Variants in DCC observed in about 807,000 individuals in gnomAD.
The protein encoded by DCC is netrin receptor DCC.
Under a neutral mutation model 172.5 loss-of-function variants are expected in DCC, and 58 were observed. The observed-to-expected ratio is 0.34, with a 90% CI of 0.27 to 0.42. The LOEUF (loss-of-function observed/expected upper bound fraction) is 0.42, where lower values mean the gene tolerates loss of function less well. Ranked by LOEUF, DCC falls within the 10% of genes least tolerant of loss-of-function variation. The pLI is 1.00. For missense variants in DCC, 1,740 were observed against 1,791.0 expected (o/e 0.97, Z 0.51); for synonymous variants, 709 against 644.5 (o/e 1.10, Z -1.52).
intron 27 of DCC, among the ~76,000 whole-genome samples, chr18:53,499,834 G>T (rs1386111544): frequency 6.6e-6 from 1 of 152,070 alleles, no homozygotes; most frequent in African/African-American, 2.4e-5. Context: ...ACTTCATTCT[G>T]CCACATGAGT....
At chr18:53,062,616 A>G (rs944844306) in intron 5 of DCC, among the ~76,000 whole-genome samples, 6 of 152,184 alleles carry the variant, frequency 3.9e-5, no homozygotes, top group African/African-American at 1.4e-4. Flanking sequence ...GATGTGTTAT[A>G]TTTATAATTT....
intron 2 of DCC, among the ~76,000 whole-genome samples, chr18:52,883,348 TTATGTGTGTGTGTGTGTG>T (rs761009837): frequency 2.8e-5 from 3 of 106,302 alleles, no homozygotes; most frequent in East Asian, 2.8e-4. Flanking sequence ...ATTTATTTAT[TTATGTGTGTGTGTGTGTG>T]TGTGTGTGTG....
At chr18:53,137,770 A>C (rs1396315156) in intron 7 of DCC, among the ~76,000 whole-genome samples, 1 of 152,112 alleles carries the variant, frequency 6.6e-6, no homozygotes, top group Admixed American at 6.5e-5. Context: ...ACATATACTT[A>C]ATAATTTTAG....
intron 1 of DCC, among the ~76,000 whole-genome samples, chr18:52,551,612 C>T (rs1277594327): frequency 2.0e-5 from 3 of 151,846 alleles, no homozygotes; most frequent in Non-Finnish European, 4.4e-5. Flanking sequence ...TAACACTGCT[C>T]ATTTTTACAA....
intron 7 of DCC, among the ~76,000 whole-genome samples, chr18:53,083,482 T>C (rs1465668397): frequency 6.6e-6 from 1 of 152,194 alleles, no homozygotes; most frequent in African/African-American, 2.4e-5. Context: ...GAGACCCCTT[T>C]TTGTTGACTA....
chr18:52,886,253 C>G (rs563419935), intron 2 of DCC, among the ~76,000 whole-genome samples: 7 of 152,174 alleles, frequency 4.6e-5, no homozygotes, highest in African/African-American at 1.7e-4. Context: ...TCTTTGTGTC[C>G]TACAGTGCCT....
intron 7 of DCC, among the ~76,000 whole-genome samples, chr18:53,116,800 A>G (rs2043415504): frequency 6.6e-6 from 1 of 151,706 alleles, no homozygotes; most frequent in Non-Finnish European, 1.5e-5. Flanking sequence ...TTCTTGATAT[A>G]TAATATATAT....
intron 27 of DCC, among the ~76,000 whole-genome samples, chr18:53,523,394 C>G (rs1461263918): frequency 6.6e-6 from 1 of 152,118 alleles, no homozygotes; most frequent in Non-Finnish European, 1.5e-5. Flanking sequence ...TGCCATTTGA[C>G]CCAGCAATCC....
intron 1 of DCC, among the ~76,000 whole-genome samples, chr18:52,635,189 T>G (rs2034750660): frequency 6.6e-6 from 1 of 152,212 alleles, no homozygotes; most frequent in Admixed American, 6.5e-5. Flanking sequence ...TAGCTATTCT[T>G]CTTTTCACAG....
At chr18:52,643,328 A>G (rs1252198055) in intron 1 of DCC, among the ~76,000 whole-genome samples, 1 of 152,112 alleles carries the variant, frequency 6.6e-6, no homozygotes, top group Non-Finnish European at 1.5e-5. Flanking sequence ...TCAGAAGGAA[A>G]TTTTCATGGT....
At chr18:53,076,538 C>T (rs2042727204) in intron 7 of DCC, among the ~76,000 whole-genome samples, 1 of 152,108 alleles carries the variant, frequency 6.6e-6, no homozygotes, top group South Asian at 2.1e-4. Context: ...TTAGTAGATC[C>T]CGTGGCAATG....
At chr18:52,927,071 A>T (rs541182155) in intron 5 of DCC, among the ~76,000 whole-genome samples, 1 of 133,804 alleles carries the variant, frequency 7.5e-6, no homozygotes, top group South Asian at 2.3e-4. Flanking sequence ...ATATACACAC[A>T]TATATGTGTA....
At chr18:53,237,438 A>G (rs1290088649) in intron 12 of DCC, among the ~76,000 whole-genome samples, 1 of 152,184 alleles carries the variant, frequency 6.6e-6, no homozygotes, top group Non-Finnish European at 1.5e-5. Flanking sequence ...TAAGGGTTAG[A>G]GAAGTAATTT....
At chr18:53,053,154 AAAAC>A (rs1158779309) in intron 5 of DCC, among the ~76,000 whole-genome samples, 2 of 152,090 alleles carry the variant, frequency 1.3e-5, no homozygotes, top group Admixed American at 6.6e-5. Flanking sequence ...AACAAAATCA[AAAAC>A]AAACAAACAA....
chr18:53,076,508 G>T lies in DCC; in HGVS notation c.1261+10342G>T, dbSNP rs144989027. Among the ~76,000 whole-genome samples, 7 of 152,240 alleles carry T rather than the reference G, an allele frequency of 4.6e-5. No homozygotes were observed. In the East Asian group the frequency reaches 7.7e-4, roughly 17 times the overall value. ...CTTTGGCTGTATCAAGTCAGCAGCT[G>T]TTGTTGATATGTGATAGGATTAGTA... is the stretch of plus-strand genomic sequence containing the variant. On this transcript the variant is annotated intron_variant, in intron 7 of 28. Coordinates refer to ENST00000442544, the MANE Select transcript of DCC (RefSeq NM_005215.4).
intron 1 of DCC, among the ~76,000 whole-genome samples, chr18:52,719,682 G>C (rs559753068): frequency 1.3e-5 from 2 of 152,134 alleles, no homozygotes; most frequent in Non-Finnish European, 2.9e-5. Context: ...ATTATATTGA[G>C]AAGAGGCCCA....
intron 14 of DCC, among the ~76,000 whole-genome samples, chr18:53,326,923 A>AT (rs1434914167): frequency 1.3e-5 from 2 of 152,200 alleles, no homozygotes; most frequent in African/African-American, 4.8e-5. Context: ...CTCTGGATGC[A>AT]TTATGTTGTA....
chr18:53,033,738 T>C (rs2042055959), intron 5 of DCC, among the ~76,000 whole-genome samples: 1 of 152,102 alleles, frequency 6.6e-6, no homozygotes, highest in Non-Finnish European at 1.5e-5. Flanking sequence ...CTTTTTGAAC[T>C]CCCTTTCCTT....
chr18:53,351,087 T>C (rs987350991), intron 15 of DCC, among the ~76,000 whole-genome samples: 4 of 150,986 alleles, frequency 2.6e-5, no homozygotes, highest in African/African-American at 9.7e-5. Context: ...TCTTTAAGGA[T>C]AGCCACAGGG....
Sources: allele counts gnomAD v4.1 joint callset (sites outside exome capture counted in the v4.1 genomes callset), GRCh38; gene constraint gnomAD v4.1.1; transcripts MANE v1.5; gene names NCBI Gene and HGNC (gene_info 2026-07-23, HGNC 2026-07-21).